WDPCP: variants seen among roughly 807,000 people sequenced by gnomAD.
WDPCP encodes WD repeat-containing and planar cell polarity effector protein fritz homolog.
In WDPCP, 71 loss-of-function variants were observed where a neutral mutation model predicts 93.1. The observed-to-expected ratio is 0.76, with a 90% CI of 0.63 to 0.93. WDPCP has a LOEUF of 0.93. Ranked by LOEUF, WDPCP falls within the 40% of genes least tolerant of loss-of-function variation. The pLI is 0.00. For missense variants in WDPCP, 844 were observed against 887.4 expected, an observed-to-expected ratio of 0.95 and a Z score of 0.62; for synonymous variants, 315 against 315.0, an observed-to-expected ratio of 1.00 and a Z score of 0.00.
At chr2:63,576,135 T>C (rs1253421681) in intron 1 of WDPCP, among the ~76,000 whole-genome samples, 1 of 152,200 alleles carries the variant, frequency 6.6e-6, no homozygotes, top group African/African-American at 2.4e-5. Flanking sequence ...CTCTAGCAGA[T>C]ACCAAATGCG....
upstream of WDPCP, chr2:63,593,208 A>C (rs1208461431): frequency 6.0e-6 from 1 of 165,560 alleles, no homozygotes; most frequent in Non-Finnish European, 1.3e-5. Context: ...CAAGTGATTC[A>C]CCTGCCTCAG....
intron 12 of WDPCP, among the ~76,000 whole-genome samples, chr2:63,316,623 A>C (rs1686662364): frequency 6.6e-6 from 1 of 152,122 alleles, no homozygotes; most frequent in Admixed American, 6.6e-5. Flanking sequence ...ACTGCATTCC[A>C]GCCTGGGCAA....
intron 12 of WDPCP, among the ~76,000 whole-genome samples, chr2:63,372,383 T>C (rs1014320538): frequency 9.9e-5 from 15 of 152,196 alleles, no homozygotes; most frequent in Non-Finnish European, 1.5e-5. Flanking sequence ...TCTGTTTTTT[T>C]GGTCTGTTTT....
At chr2:63,476,842 A>G (rs1700002519) in intron 6 of WDPCP, among the ~76,000 whole-genome samples, 1 of 152,186 alleles carries the variant, frequency 6.6e-6, no homozygotes, top group Non-Finnish European at 1.5e-5. Context: ...TTGTGATCAA[A>G]TGAGTTTCAT....
chr2:63,408,178 G>A (rs1006019553), intron 9 of WDPCP, among the ~76,000 whole-genome samples: 1 of 152,076 alleles, frequency 6.6e-6, no homozygotes, highest in African/African-American at 2.4e-5. Context: ...GAACAAACCA[G>A]CAGTCCCAAG....
At chr2:63,498,818 G>A (rs1052928553) in intron 1 of WDPCP, among the ~76,000 whole-genome samples, 4 of 152,308 alleles carry the variant, frequency 2.6e-5, no homozygotes, top group Non-Finnish European at 5.9e-5. Context: ...AGACATTGCT[G>A]TAGTTATAAT....
At chr2:63,554,338 A>G (rs993098060) in intron 1 of WDPCP, among the ~76,000 whole-genome samples, 1 of 152,194 alleles carries the variant, frequency 6.6e-6, no homozygotes, top group Non-Finnish European at 1.5e-5. Context: ...CACAATGTCA[A>G]CTTGTCCCAT....
At chr2:63,463,221 A>G (rs1369661624) in intron 6 of WDPCP, among the ~76,000 whole-genome samples, 2 of 152,168 alleles carry the variant, frequency 1.3e-5, no homozygotes, top group Non-Finnish European at 2.9e-5. Context: ...TTAAGATGAT[A>G]AGATTTTTTT....
At chr2:63,551,357 T>C (rs182882351) in intron 1 of WDPCP, among the ~76,000 whole-genome samples, 32 of 152,286 alleles carry the variant, frequency 2.1e-4, no homozygotes, top group Non-Finnish European at 3.4e-4. Flanking sequence ...GTTTGGGTCA[T>C]GGGGGCAGAT....
intron 14 of WDPCP, among the ~76,000 whole-genome samples, chr2:63,181,811 A>C (rs1674263386): frequency 1.3e-5 from 2 of 152,036 alleles, no homozygotes; most frequent in African/African-American, 4.8e-5. Context: ...TTTGTGATCC[A>C]TGAACATGGG....
At position 63,261,191 on chromosome 2, in the gene WDPCP, T is replaced by G. The variant is rs889618254; in HGVS notation, c.1813-1782A>C. On this transcript the variant is annotated intron_variant, in intron 13 of 17. Transcript: ENST00000272321. The stretch of plus-strand genomic sequence containing the variant: ...GTCGAAAGGTTTTTTTTTTTTCTGT[T>G]TTTTTTTTTTTAATCTCCATTCCTA... 8.3e-4 allele frequency among the ~76,000 whole-genome samples: 19 copies of G among 22,922 alleles called. No individual in the cohort carries two copies. The African/African-American group carries it at 0.021, about 26-fold the overall frequency. 15.0% of individuals were successfully genotyped at this position (22,922 alleles called of 152,430 possible).
intron 6 of WDPCP, among the ~76,000 whole-genome samples, chr2:63,469,273 G>T (rs1392142492): frequency 1.8e-4 from 28 of 152,140 alleles, no homozygotes; most frequent in African/African-American, 6.8e-4. Context: ...TCAACCACTT[G>T]GGGGAAAGCA....
chr2:63,201,464 T>TA (rs1369586588), intron 14 of WDPCP, among the ~76,000 whole-genome samples: 4 of 152,342 alleles, frequency 2.6e-5, no homozygotes, highest in African/African-American at 9.6e-5. Context: ...TGCTAATACT[T>TA]AAAAGTTTTT....
At chr2:63,743,292 C>A (rs1669751458) in intron 2 of WDPCP, among the ~76,000 whole-genome samples, 1 of 152,054 alleles carries the variant, frequency 6.6e-6, no homozygotes, top group Admixed American at 6.6e-5. Flanking sequence ...GAGCATCAGA[C>A]CCAACTATTT....
At chr2:63,429,976 TACAC>T (rs199517613) in intron 9 of WDPCP, among the ~76,000 whole-genome samples, 28,866 of 137,110 alleles carry the variant, frequency 0.21, 2,982 homozygotes, top group Non-Finnish European at 0.23. Context: ...GAAAATGTTA[TACAC>T]ACACACACAC....
intron 1 of WDPCP, among the ~76,000 whole-genome samples, chr2:63,510,542 C>T (rs1296298408): frequency 6.6e-6 from 1 of 152,234 alleles, no homozygotes; most frequent in Non-Finnish European, 1.5e-5. Flanking sequence ...TGCCCTCTCT[C>T]ACCACTCCTA....
chr2:63,404,111 T>C lies in WDPCP; in HGVS notation c.1372A>G (p.Ile458Val). The change falls in exon 10 of 18, where the codon ATC (isoleucine) becomes GTC (valine). Residue 458 changes from isoleucine to valine, a missense_variant. Transcript: ENST00000272321. ...AACCTGAGGAAGAGGAGATCATAGA[T>C]ATCACTACCTTCACCCTTCTGAGAA... ...VVSQKGEGSD[I>V]YDLLFLRFER... 1.2e-6 allele frequency: 2 copies of C among 1,614,142 alleles called. No homozygotes were observed. The highest frequency in any genetic ancestry group is 1.7e-6 in the Non-Finnish European group (2 of 1,180,004).
intron 2 of WDPCP, among the ~76,000 whole-genome samples, chr2:63,689,700 C>T (rs562546561): frequency 3.6e-4 from 55 of 152,324 alleles, no homozygotes; most frequent in Non-Finnish European, 6.5e-4. Flanking sequence ...CCCGATCCAA[C>T]ATTTCCTCAT....
intron 14 of WDPCP, among the ~76,000 whole-genome samples, chr2:63,216,584 A>G (rs1005658793): frequency 2.0e-5 from 3 of 152,160 alleles, no homozygotes; most frequent in African/African-American, 7.2e-5. Flanking sequence ...GGAGAGGGAT[A>G]GCATTAGGAG....
Sources: gnomAD v4.1 joint callset for allele counts (sites outside exome capture counted in the v4.1 genomes callset) on GRCh38, gnomAD v4.1.1 for gene constraint, MANE v1.5 for transcripts, NCBI Gene and HGNC (gene_info 2026-07-23, HGNC 2026-07-21) for gene names.